The following IRS2 variants were observed in gnomAD, a reference collection of about 807,000 sequenced individuals.
IRS2 encodes insulin receptor substrate 2.
IRS2 carries 28 observed loss-of-function variants against 70.9 expected under a neutral mutation model. That is an observed-to-expected ratio of 0.39 (90% CI 0.29 to 0.54). The LOEUF (loss-of-function observed/expected upper bound fraction) is 0.54. Among genes scored for constraint, IRS2 ranks in the 20% least tolerant of loss-of-function variants. IRS2 has a pLI of 0.59. For synonymous variants in IRS2, 1,217 were observed against 981.9 expected (o/e 1.24, Z -4.48); for missense variants, 2,081 against 2,024.1 (o/e 1.03, Z -0.54).
At chr13:109,769,219 T>C (rs949454271) in intron 1 of IRS2, among the ~76,000 whole-genome samples, 1 of 152,222 alleles carries the variant, frequency 6.6e-6, no homozygotes, top group Non-Finnish European at 1.5e-5. Flanking sequence ...CACCCAGGGA[T>C]ACCACCACCA....
At position 109,785,969 on chromosome 13, in the gene IRS2, GGTTGTTGTT is replaced by G. The variant is rs532810290; in HGVS notation, c.76_84del (p.Asn26_Asn28del). 26 of 1,491,030 alleles carry G rather than the reference GGTTGTTGTT, an allele frequency of 1.7e-5. No homozygotes were observed. The highest frequency in any genetic ancestry group is 2.9e-5 in the African/African-American group (2 of 68,762). The allele number at this position is 1,491,030 out of a possible 1,614,324, so 92.4% of individuals were successfully genotyped here. The stretch of plus-strand genomic sequence containing the variant: ...AGGTAGCCGCACTTGCGCACGCTGT[GGTTGTTGTT>G]GTTGTTGTTGTTGTTGAGGTTGGGG... On this transcript the variant is annotated inframe_deletion, in exon 1 of 2. Transcript: ENST00000375856. This position sits in a 1 kb window ranked among gnomAD's most constrained non-coding sequence, Gnocchi z 9.3.
chr13:109,770,788 T>C (rs1252956365), intron 1 of IRS2, among the ~76,000 whole-genome samples: 1 of 152,218 alleles, frequency 6.6e-6, no homozygotes, highest in Non-Finnish European at 1.5e-5. Flanking sequence ...ACATCTACTC[T>C]TGTGCTGACA....
rs1877785604 is a variant in IRS2, at chr13:109,783,353, G to A, written c.2701C>T (p.Leu901=). The A allele has an allele frequency of 1.3e-6, 2 of 1,551,362 alleles. No individual in the cohort carries two copies. The highest frequency in any genetic ancestry group is 1.7e-6 in the Non-Finnish European group (2 of 1,157,962). The stretch of plus-strand genomic sequence containing the variant: ...AGTGGGTACTCGTGCATGCTGGGCA[G>A]GCTGGGCAGCCCCTCCAGGGACAGG... ...TRLSLEGLPS[L]PSMHEYPLPP... Residue 901 remains leucine, a synonymous_variant, in exon 1 of 2, where the codon CTG becomes TTG. Coordinates refer to ENST00000375856, the MANE Select transcript of IRS2 (RefSeq NM_003749.3).
chr13:109,783,288 G>T lies in IRS2; in HGVS notation c.2766C>A (p.Ile922=). Residue 922 remains isoleucine, a synonymous_variant, in exon 1 of 2, where the codon ATC becomes ATA. Transcript: ENST00000375856. ...EPKSPGEYIN[I]DFGEPGARLS... is the part of the protein sequence containing the mutation. ...GGCGGGCCCCGGGCTCGCCAAAGTC[G>T]ATGTTGATGTACTCGCCGGGGCTCT... 1.3e-6 allele frequency: 2 copies of T among 1,511,346 alleles called. No individual in the cohort carries two copies. The highest frequency in any genetic ancestry group is 1.8e-6 in the Non-Finnish European group (2 of 1,138,258). 93.6% of individuals were successfully genotyped at this position (1,511,346 alleles called of 1,614,324 possible). A position where few individuals can be genotyped will look rare whatever the true frequency, so the allele number is the denominator to read the frequency against.
At chr13:109,761,430 T>A (rs1877222784) in intron 1 of IRS2, among the ~76,000 whole-genome samples, 2 of 152,208 alleles carry the variant, frequency 1.3e-5, no homozygotes, top group African/African-American at 2.4e-5. Flanking sequence ...CTCAAACATA[T>A]CGTACAGGTA....
chr13:109,756,410 C>A (rs939278009), intron 1 of IRS2, 102 bp from the exon 2 acceptor site: 6 of 935,056 alleles, frequency 6.4e-6, no homozygotes, highest in African/African-American at 4.9e-5. Context: ...GGACCTGGGT[C>A]ATTTTCATAA....
In IRS2 at chr13:109,786,032, C is replaced by G. The variant is rs1348529090; in HGVS notation, c.22G>C (p.Gly8Arg). ...TCTCCGCTCGCCGGCCCGGGCGGCC[C>G]GTGCCGCGGCGGGCTCGCCATCGCG... MASPPRH[G>R]PPGPASGDGP... Residue 8 changes from glycine (G) to arginine (R), a missense_variant, in exon 1 of 2, where the codon GGG (glycine) becomes CGG (arginine). This residue lies in a region of IRS2 where 320 missense variants were observed against 352.9 expected (regional missense o/e 0.91). Coordinates refer to ENST00000375856, the MANE Select transcript of IRS2 (RefSeq NM_003749.3). This position sits in a 1 kb window ranked among gnomAD's most constrained non-coding sequence, Gnocchi z 4.4. 3.8e-6 allele frequency: 5 copies of G among 1,328,170 alleles called. No homozygotes were observed. The highest frequency in any genetic ancestry group is 4.0e-5 in the South Asian group (2 of 50,372). 82.3% of individuals were successfully genotyped at this position (1,328,170 alleles called of 1,614,324 possible).
chr13:109,775,749 T>C (rs1877557250), intron 1 of IRS2, among the ~76,000 whole-genome samples: 1 of 105,332 alleles, frequency 9.5e-6, no homozygotes, highest in African/African-American at 3.6e-5. Context: ...TGAGATATTA[T>C]GGAAACACAC....
rs1257813040 is a variant in IRS2 at position 109,782,973 on chromosome 13, C to G, written c.3081G>C (p.Ser1027=). 7.1e-7 allele frequency: 1 copy of G among 1,408,080 alleles called. No homozygotes were observed. The highest frequency in any genetic ancestry group is 1.6e-5 in the South Asian group (1 of 62,848). 87.2% of individuals were successfully genotyped at this position (1,408,080 alleles called of 1,614,324 possible). ...LPPRPSASPS[S]SLQPPPPPPA... ...GCGGCGGTGGCGGCGGCTGCAGAGA[C>G]GACGACGGGGACGCGGACGGACGCG... Residue 1027 remains serine (S), a synonymous_variant, in exon 1 of 2, where the codon TCG becomes TCC. Coordinates refer to ENST00000375856, the MANE Select transcript of IRS2 (RefSeq NM_003749.3).
At chr13:109,759,787 A>G (rs1877189260) in intron 1 of IRS2, among the ~76,000 whole-genome samples, 1 of 152,090 alleles carries the variant, frequency 6.6e-6, no homozygotes, top group Non-Finnish European at 1.5e-5. Flanking sequence ...CACAGCTTTC[A>G]GACACCAAAC....
In IRS2 at chr13:109,753,956, G is replaced by T; in HGVS notation, c.*2348C>A. 1 of 232,196 alleles carries T rather than the reference G, an allele frequency of 4.3e-6. No individual in the cohort carries two copies. The highest frequency in any genetic ancestry group is 8.5e-6 in the Non-Finnish European group (1 of 117,180). The allele number at this position is 232,196 out of a possible 1,614,324, so 14.4% of individuals were successfully genotyped here. The stretch of plus-strand genomic sequence containing the variant: ...GTCCAGTTTATTCTCGTCTCCAGCA[G>T]CATCACATTGACCCCTATATACAGC... On this transcript the variant is annotated 3_prime_UTR_variant, in exon 2 of 2. Transcript: ENST00000375856.
At chr13:109,759,838 A>C (rs1357166115) in intron 1 of IRS2, among the ~76,000 whole-genome samples, 1 of 152,090 alleles carries the variant, frequency 6.6e-6, no homozygotes, top group Non-Finnish European at 1.5e-5. Flanking sequence ...CCACGGCAAC[A>C]CGATACCTAC....
chr13:109,781,615 G>C (rs1348207605), intron 1 of IRS2, among the ~76,000 whole-genome samples: 1 of 152,204 alleles, frequency 6.6e-6, no homozygotes, highest in Non-Finnish European at 1.5e-5. Flanking sequence ...CACAGGGAAA[G>C]GTGAAAGCTG....
In IRS2 at chr13:109,782,348, C is replaced by G; in HGVS notation, c.3706G>C (p.Gly1236Arg). The change falls in exon 1 of 2, where the codon GGA (glycine) becomes CGA (arginine). Residue 1236 changes from glycine (G) to arginine (R), a missense_variant. Transcript: ENST00000375856. ...GAGGTCTCTCTGCGCATGGGCGATCCACCGCTCCCAGGACAACCGACCAAG... is the reference window on the plus strand; with the variant it reads ...GAGGTCTCTCTGCGCATGGGCGATCGACCGCTCCCAGGACAACCGACCAAG... ...GGLVGCPGSG[G>R]SPMRRETSAG... is the part of the protein sequence containing the mutation. 6.2e-7 allele frequency: 1 copy of G among 1,611,760 alleles called. No individual in the cohort carries two copies. The highest frequency in any genetic ancestry group is 8.5e-7 in the Non-Finnish European group (1 of 1,179,444).
chr13:109,766,363 A>T (rs71439392), intron 1 of IRS2, among the ~76,000 whole-genome samples: 13 of 7,928 alleles, frequency 1.6e-3, no homozygotes, highest in African/African-American at 3.6e-3. Flanking sequence ...CCCAGCCTCA[A>T]CCACCCTGAC....
At chr13:109,767,878 A>G (rs892547109) in intron 1 of IRS2, among the ~76,000 whole-genome samples, 7 of 152,016 alleles carry the variant, frequency 4.6e-5, no homozygotes, top group Admixed American at 4.6e-4. Flanking sequence ...GACTACAGGC[A>G]TGCGCCACCA....
At chr13:109,767,369 T>C (rs1241735979) in intron 1 of IRS2, among the ~76,000 whole-genome samples, 3 of 151,958 alleles carry the variant, frequency 2.0e-5, no homozygotes, top group African/African-American at 7.3e-5. Context: ...CCCAGCAACA[T>C]AAAGATTCCA....
intron 1 of IRS2, among the ~76,000 whole-genome samples, chr13:109,766,869 C>A (rs1459876683): frequency 6.6e-6 from 1 of 152,272 alleles, no homozygotes; most frequent in Non-Finnish European, 1.5e-5. Context: ...AAGTCATATT[C>A]AGTTACTGCA....
At position 109,783,520 on chromosome 13, in the gene IRS2, G is replaced by A. The variant is rs976135873; in HGVS notation, c.2534C>T (p.Pro845Leu). Reference sequence around the variant, plus strand: ...GGCGCTGGCCGCCTGGCTGGGCCCTGGCGTGGCCTGAGGCTCCAGACGCTC... The same window carrying A: ...GGCGCTGGCCGCCTGGCTGGGCCCTAGCGTGGCCTGAGGCTCCAGACGCTC... Reference protein sequence around the residue: ...EEERLEPQATPGPSQAASAFG... With the variant: ...EEERLEPQATLGPSQAASAFG... Residue 845 changes from proline (P) to leucine (L), a missense_variant, in exon 1 of 2, where the codon CCA becomes CTA. By Grantham distance (98) the Pro-to-Leu change is moderately conservative. Coordinates refer to ENST00000375856, the MANE Select transcript of IRS2 (RefSeq NM_003749.3). 1.4e-5 allele frequency: 22 copies of A among 1,548,316 alleles called. No individual in the cohort carries two copies. The highest frequency in any genetic ancestry group is 3.6e-4 in the Middle Eastern group (2 of 5,586).
Sources: gnomAD v4.1 joint callset for allele counts (sites outside exome capture counted in the v4.1 genomes callset) on GRCh38, gnomAD v4.1.1 for gene constraint, gnomAD v4.1.1 regional missense constraint, Gnocchi (gnomAD v3.1) non-coding constraint, MANE v1.5 for transcripts, NCBI Gene and HGNC (gene_info 2026-07-23, HGNC 2026-07-21) for gene names.